Variants in SLCO2B1 observed in about 807,000 individuals in gnomAD.
SLCO2B1 encodes OATP-RP2.
SLCO2B1 carries 41 observed loss-of-function variants against 67.3 expected under a neutral mutation model. The ratio of observed to expected loss-of-function variants is 0.61; its 90% CI spans 0.47 to 0.79. The LOEUF is 0.79. SLCO2B1 is among the 30% of genes least tolerant of loss of function. The pLI, the probability that SLCO2B1 is intolerant of heterozygous loss-of-function variation, is 0.00. For missense variants in SLCO2B1, 837 were observed against 920.1 expected (o/e 0.91, Z 1.17); for synonymous variants, 379 against 381.4 (o/e 0.99, Z 0.07).
At chr11:75,163,907 C>T in intron 2 of SLCO2B1, 56 bp from the exon 3 acceptor site, 2 of 1,546,358 alleles carry the variant, frequency 1.3e-6, no homozygotes, top group Non-Finnish European at 1.7e-6. Context: ...CCTCCTTCTG[C>T]CTCTTTGTCT....
At chr11:75,190,531 A>C (rs558861058) in intron 8 of SLCO2B1, among the ~76,000 whole-genome samples, 1 of 151,880 alleles carries the variant, frequency 6.6e-6, no homozygotes, top group Non-Finnish European at 1.5e-5. Flanking sequence ...AATGTGAGAG[A>C]TACAATCTCT....
intron 7 of SLCO2B1, among the ~76,000 whole-genome samples, chr11:75,183,708 G>A (rs762420639): frequency 6.6e-5 from 10 of 152,032 alleles, no homozygotes; most frequent in Admixed American, 6.6e-5. Flanking sequence ...AATTTTTGTC[G>A]AAATGGGGTC....
intron 10 of SLCO2B1, among the ~76,000 whole-genome samples, chr11:75,197,357 C>T (rs915781640): frequency 2.6e-5 from 4 of 152,226 alleles, no homozygotes; most frequent in African/African-American, 9.6e-5. Context: ...TTGTGCCAGA[C>T]ATTCAAGAAT....
intron 7 of SLCO2B1, among the ~76,000 whole-genome samples, chr11:75,176,312 G>A (rs1375795542): frequency 6.6e-6 from 1 of 151,868 alleles, no homozygotes; most frequent in Non-Finnish European, 1.5e-5. Context: ...GGGCTCAGAG[G>A]GGCCCAGAGA....
chr11:75,161,815 G>A (rs967929652), intron 1 of SLCO2B1, among the ~76,000 whole-genome samples: 1 of 152,178 alleles, frequency 6.6e-6, no homozygotes, highest in Non-Finnish European at 1.5e-5. Flanking sequence ...TCCCCACTGA[G>A]AGTGAGCTCA....
chr11:75,175,577 A>G (rs893246843), intron 7 of SLCO2B1, among the ~76,000 whole-genome samples: 1 of 152,060 alleles, frequency 6.6e-6, no homozygotes, highest in South Asian at 2.1e-4. Context: ...TTGTAATACA[A>G]GAATTATGTG....
At chr11:75,188,341 T>G (rs1160863705) in intron 8 of SLCO2B1, 103 bp downstream of exon 8, 10 of 734,346 alleles carry the variant, frequency 1.4e-5, no homozygotes. Context: ...CTTCTCTACC[T>G]GCAGACCCCT....
intron 7 of SLCO2B1, among the ~76,000 whole-genome samples, chr11:75,173,440 C>T (rs1050949397): frequency 1.3e-5 from 2 of 152,250 alleles, no homozygotes; most frequent in African/African-American, 4.8e-5. Flanking sequence ...GTGCAGGCCC[C>T]AGGCTGGATC....
intron 11 of SLCO2B1, chr11:75,201,537 C>T (rs889967774): frequency 2.0e-5 from 3 of 152,214 alleles, no homozygotes; most frequent in Non-Finnish European, 4.4e-5. Flanking sequence ...TTTCCCTCCA[C>T]TTCCCATGCC....
chr11:75,180,717 A>AT (rs1317180254), intron 7 of SLCO2B1, among the ~76,000 whole-genome samples: 5 of 152,208 alleles, frequency 3.3e-5, no homozygotes, highest in African/African-American at 1.2e-4. Flanking sequence ...AACATTTATT[A>AT]CTTACTCTGT....
At chr11:75,180,132 C>T (rs1950076699) in intron 7 of SLCO2B1, among the ~76,000 whole-genome samples, 1 of 152,194 alleles carries the variant, frequency 6.6e-6, no homozygotes, top group South Asian at 2.1e-4. Flanking sequence ...ATTTGCCTGT[C>T]TCAGCCTCCC....
At position 75,162,776 on chromosome 11, in the gene SLCO2B1, T is replaced by C. The variant is rs762215917; in HGVS notation, c.138T>C (p.His46=). The change falls in exon 2 of 14, where the codon CAT becomes CAC. Residue 46 remains histidine (H), a synonymous_variant. Coordinates refer to ENST00000289575, the MANE Select transcript of SLCO2B1 (RefSeq NM_007256.5). ...AGGACGTGCGGCCAAGTGTGTTCCA[T>C]AACATCAAGGTACCTCTCAGGGCCT... ...DPQDVRPSVF[H]NIKLFVLCHS... The C allele has an allele frequency of 3.6e-5, 58 of 1,613,716 alleles. No homozygotes were observed. The highest frequency in any genetic ancestry group is 3.3e-4 in the Middle Eastern group (2 of 6,056).
At chr11:75,190,573 C>T (rs1221809146) in intron 8 of SLCO2B1, among the ~76,000 whole-genome samples, 1 of 152,026 alleles carries the variant, frequency 6.6e-6, no homozygotes, top group Non-Finnish European at 1.5e-5. Context: ...CTGAATGGAG[C>T]GAGACCCTGC....
chr11:75,187,465 A>T (rs1330551085), intron 7 of SLCO2B1, among the ~76,000 whole-genome samples: 1 of 152,144 alleles, frequency 6.6e-6, no homozygotes, highest in African/African-American at 2.4e-5. Context: ...GGGAGTGAAG[A>T]TTGACTGGAT....
In SLCO2B1 at chr11:75,164,013, CG is replaced by C; in HGVS notation, c.200del (p.Gly67AlafsTer3). The C allele has an allele frequency of 6.2e-7, 1 of 1,605,924 alleles. No homozygotes were observed. The highest frequency in any genetic ancestry group is 2.3e-5 in the East Asian group (1 of 44,374). On this transcript the variant is annotated frameshift_variant, in exon 3 of 14. Coordinates refer to ENST00000289575, the MANE Select transcript of SLCO2B1 (RefSeq NM_007256.5). LOFTEE classifies it high-confidence loss of function. ...LLQLAQLMIS[G>X]YLKSSISTVE... The stretch of plus-strand genomic sequence containing the variant: ...TGCAGCTGGCGCAGCTCATGATCTC[CG>C]GCTACCTAAAGAGCTCCATCTCCAC...
intron 1 of SLCO2B1, among the ~76,000 whole-genome samples, chr11:75,161,821 G>A (rs979692251): frequency 6.6e-6 from 1 of 152,144 alleles, no homozygotes; most frequent in Non-Finnish European, 1.5e-5. Flanking sequence ...CTGAGAGTGA[G>A]CTCAGGAGAC....
At chr11:75,188,620 G>T (rs955555344) in intron 8 of SLCO2B1, among the ~76,000 whole-genome samples, 2 of 152,146 alleles carry the variant, frequency 1.3e-5, no homozygotes, top group African/African-American at 4.8e-5. Flanking sequence ...CAGCTGCTTG[G>T]GAGGCTGAGG....
intron 1 of SLCO2B1, chr11:75,157,202 A>G (rs1282132242): frequency 1.3e-5 from 2 of 152,204 alleles, no homozygotes; most frequent in East Asian, 3.8e-4. Context: ...TGAAGGGCTG[A>G]TCCATCTTTC....
intron 9 of SLCO2B1, 153 bp from the exon 10 acceptor site, chr11:75,196,361 T>C: frequency 2.8e-6 from 2 of 714,344 alleles, no homozygotes; most frequent in East Asian, 5.5e-5. Context: ...GAGCTCACTA[T>C]CACGCCATCA....
Sources: allele counts gnomAD v4.1 joint callset (sites outside exome capture counted in the v4.1 genomes callset), GRCh38; gene constraint gnomAD v4.1.1; transcripts MANE v1.5; gene names NCBI Gene and HGNC (gene_info 2026-07-23, HGNC 2026-07-21).